SFRP4: variants seen among roughly 807,000 people sequenced by gnomAD.
The protein encoded by SFRP4 is secreted frizzled related protein 4.
In SFRP4, 25 loss-of-function variants were observed where a neutral mutation model predicts 36.3. The ratio of observed to expected loss-of-function variants is 0.69; its 90% CI spans 0.50 to 0.96. SFRP4 has a LOEUF of 0.96. Ranked by LOEUF, SFRP4 falls within the 40% of genes least tolerant of loss-of-function variation. SFRP4 has a pLI of 0.00. For missense variants in SFRP4, 487 were observed against 459.6 expected (o/e 1.06, Z -0.54); for synonymous variants, 182 against 168.8 (o/e 1.08, Z -0.60).
Position 37,908,460 on chromosome 7 carries a change from T to C in SFRP4, c.856-796A>G, listed in dbSNP as rs559608654. ...AGGAATGCAAAGAAAAGAAAAACATTGTCCCCACTGTGCTATGACACACTT... is the reference window on the plus strand; with the variant it reads ...AGGAATGCAAAGAAAAGAAAAACATCGTCCCCACTGTGCTATGACACACTT... On this transcript the variant is annotated intron_variant, in intron 5 of 5. Coordinates refer to ENST00000436072, the MANE Select transcript of SFRP4 (RefSeq NM_003014.4). Among the ~76,000 whole-genome samples, 68 of 152,294 alleles carry C rather than the reference T, an allele frequency of 4.5e-4. No homozygotes were observed. The South Asian group carries it at 6.6e-3, about 15-fold the overall frequency.
chr7:37,914,481 G>A (rs537361345), intron 1 of SFRP4, 28 bp from the exon 2 acceptor site: 132 of 1,570,124 alleles, frequency 8.4e-5, no homozygotes, highest in Non-Finnish European at 9.8e-5. Flanking sequence ...CCACATGGGC[G>A]TGGTTGGTGA....
intron 4 of SFRP4, 51 bp from the exon 5 acceptor site, chr7:37,909,731 C>A: frequency 1.9e-6 from 2 of 1,027,800 alleles, no homozygotes; most frequent in South Asian, 1.5e-5. Context: ...AAGTAAACAG[C>A]TAAAAATACA....
At position 37,909,757 on chromosome 7, in the gene SFRP4, T is replaced by A. The variant is rs903450219; in HGVS notation, c.792-77A>T. The A allele has an allele frequency of 9.8e-6, 8 of 817,542 alleles. No homozygotes were observed. In the African/African-American group the frequency reaches 1.2e-4, roughly 12 times the overall value. 50.6% of individuals were successfully genotyped at this position (817,542 alleles called of 1,614,324 possible). ...TAAAAATACAGAAATTGTAAAAAAA[T>A]TATTCAATAATCCTTTACCCCATAA... On this transcript the variant is annotated intron_variant, in intron 4 of 5. Coordinates refer to ENST00000436072, the MANE Select transcript of SFRP4 (RefSeq NM_003014.4).
intron 5 of SFRP4, among the ~76,000 whole-genome samples, chr7:37,909,051 A>G (rs1328602619): frequency 1.3e-5 from 2 of 152,200 alleles, no homozygotes; most frequent in African/African-American, 2.4e-5. Context: ...GATTGGTATA[A>G]TTTCACATCT....
chr7:37,916,183 A>T lies in SFRP4; in HGVS notation c.355T>A (p.Trp119Arg). 1 of 1,614,166 alleles carries T rather than the reference A, an allele frequency of 6.2e-7. No individual in the cohort carries two copies. The change falls in exon 1 of 6, where the codon TGG (tryptophan) becomes AGG (arginine). Residue 119 changes from tryptophan (W) to arginine (R), a missense_variant. Trp to Arg is a moderately radical substitution (Grantham distance 101, BLOSUM62 -3). Transcript: ENST00000436072. This position sits in a 1 kb window ranked among gnomAD's most constrained non-coding sequence, Gnocchi z 4.1. ...TCGTCGCAGGCCAGGCTTTCGGGCCAGCTGTGGTTGTACATCTTCATGAGG... is the reference window on the plus strand; with the variant it reads ...TCGTCGCAGGCCAGGCTTTCGGGCCTGCTGTGGTTGTACATCTTCATGAGG... ...EPLMKMYNHS[W>R]PESLACDELP...
chr7:37,916,743 G>T lies in SFRP4; in HGVS notation c.-206C>A. On this transcript the variant is annotated 5_prime_UTR_variant, in exon 1 of 6. Coordinates refer to ENST00000436072, the MANE Select transcript of SFRP4 (RefSeq NM_003014.4). The surrounding 1 kb of genome is among the most constrained non-coding windows in gnomAD (Gnocchi z 4.1). Reference sequence around the variant, plus strand: ...GTCTGGCACACAGGGCACGAGCAGCGCCAGCTCTCAGCCTTCGGGGCGCGA... The same window carrying T: ...GTCTGGCACACAGGGCACGAGCAGCTCCAGCTCTCAGCCTTCGGGGCGCGA... 2 of 752,318 alleles carry T rather than the reference G, an allele frequency of 2.7e-6. No homozygotes were observed. Among genetic ancestry groups the T allele is most frequent in the East Asian group, 2.7e-5 (1 of 36,716 alleles). The allele number at this position is 752,318 out of a possible 1,614,324, so 46.6% of individuals were successfully genotyped here.
In SFRP4 at chr7:37,907,363, G is replaced by A; in HGVS notation, c.*116C>T. The A allele has an allele frequency of 3.8e-6, 3 of 779,290 alleles. No homozygotes were observed. Among genetic ancestry groups the A allele is most frequent in the Non-Finnish European group, 2.1e-6 (1 of 475,410 alleles). The allele number at this position is 779,290 out of a possible 1,614,324, so 48.3% of individuals were successfully genotyped here. ...ATGCTGCAAGATGTGTCTATGAAGA[G>A]CACTGCAGTGAGTTGTTAGGGCAAG... On this transcript the variant is annotated 3_prime_UTR_variant, in exon 6 of 6. Transcript: ENST00000436072.
intron 3 of SFRP4, 29 bp downstream of exon 3, chr7:37,914,184 A>G (rs779592388): frequency 8.2e-6 from 13 of 1,580,612 alleles, no homozygotes; most frequent in African/African-American, 2.7e-5. Context: ...CCAAGTCTCA[A>G]AAGTAAATGG....
chr7:37,907,055 A>C lies in SFRP4; in HGVS notation c.*424T>G, dbSNP rs1255638099. On this transcript the variant is annotated 3_prime_UTR_variant, in exon 6 of 6. Coordinates refer to ENST00000436072, the MANE Select transcript of SFRP4 (RefSeq NM_003014.4). ...ATTTTCGATCACATTTTAAAACATC[A>C]CTAACATTGCAACAACAGATATCAA... 6.5e-6 allele frequency: 1 copy of C among 153,480 alleles called. No individual in the cohort carries two copies. The highest frequency in any genetic ancestry group is 1.4e-5 in the Non-Finnish European group (1 of 68,996). The allele number at this position is 153,480 out of a possible 1,614,324, so 9.5% of individuals were successfully genotyped here. A position where few individuals can be genotyped will look rare whatever the true frequency, so the allele number is the denominator to read the frequency against.
rs765479021 is a variant in SFRP4 at position 37,916,493 on chromosome 7, C to T, written c.45G>A (p.Leu15=). 1.2e-6 allele frequency: 2 copies of T among 1,612,166 alleles called. No individual in the cohort carries two copies. Among genetic ancestry groups the T allele is most frequent in the African/African-American group, 1.3e-5 (1 of 74,920 alleles). ...AGGGCGCGCCGCGCACGCCCAGCGC[C>T]AGGTGCAGCCACAGGCACAGCGCCA... The part of the protein sequence containing the change: ...ILVALCLWLH[L]ALGVRGAPCE... The change falls in exon 1 of 6, where the codon CTG becomes CTA. Residue 15 remains leucine (L), a synonymous_variant. Transcript: ENST00000436072. The surrounding 1 kb of genome is among the most constrained non-coding windows in gnomAD (Gnocchi z 4.1).
intron 1 of SFRP4, among the ~76,000 whole-genome samples, chr7:37,914,757 C>G (rs552384386): frequency 2.0e-5 from 3 of 152,218 alleles, no homozygotes; most frequent in Admixed American, 1.3e-4. Flanking sequence ...CCCAGCTACT[C>G]TAGAGGCTGA....
intron 5 of SFRP4, 56 bp from the exon 6 acceptor site, chr7:37,907,720 C>T (rs1785420224): frequency 7.4e-7 from 1 of 1,345,928 alleles, no homozygotes; most frequent in Non-Finnish European, 1.0e-6. Context: ...TTATGGTGCT[C>T]AGCTAATGTG....
At position 37,912,310 on chromosome 7, in the gene SFRP4, A is replaced by G. The variant is rs374781203; in HGVS notation, c.600T>C (p.His200=). Residue 200 remains histidine (H), a synonymous_variant, in exon 4 of 6, where the codon CAT becomes CAC. Coordinates refer to ENST00000436072, the MANE Select transcript of SFRP4 (RefSeq NM_003014.4). ...YLSKNYSYVI[H]AKIKAVQRSG... is the part of the protein sequence containing the mutation. ...TCCTCTGCACAGCTTTTATTTTGGC[A>G]TGAATAACTGCAATTTAAAAATAGA... 2 of 1,613,428 alleles carry G rather than the reference A, an allele frequency of 1.2e-6. No homozygotes were observed. Among genetic ancestry groups the G allele is most frequent in the Non-Finnish European group, 8.5e-7 (1 of 1,179,374 alleles).
In SFRP4 at chr7:37,907,518, A is replaced by T; in HGVS notation, c.1002T>A (p.Thr334=). 1 of 1,613,878 alleles carries T rather than the reference A, an allele frequency of 6.2e-7. No individual in the cohort carries two copies. Among genetic ancestry groups the T allele is most frequent in the Non-Finnish European group, 8.5e-7 (1 of 1,179,874 alleles). ...GGTTTGTTCTCTTCTGGGCACTCCT[A>T]GTTTTAATGTTCTTCTTGGGACTGG... ...KPASPKKNIK[T]RSAQKRTNPK... Residue 334 remains threonine (T), a synonymous_variant, in exon 6 of 6, where the codon ACT becomes ACA. Transcript: ENST00000436072.
intron 1 of SFRP4, among the ~76,000 whole-genome samples, chr7:37,915,526 A>G (rs976601577): frequency 2.0e-5 from 3 of 152,254 alleles, no homozygotes; most frequent in Non-Finnish European, 4.4e-5. Flanking sequence ...AAGTGGAAGC[A>G]GAGATGGGGT....
At chr7:37,909,122 C>T (rs1785441427) in intron 5 of SFRP4, among the ~76,000 whole-genome samples, 1 of 152,068 alleles carries the variant, frequency 6.6e-6, no homozygotes, top group Non-Finnish European at 1.5e-5. Context: ...GATGTTACCA[C>T]AAAAATCATA....
At chr7:37,914,512 G>T (rs2131989532) in intron 1 of SFRP4, 59 bp from the exon 2 acceptor site, 18 of 1,152,006 alleles carry the variant, frequency 1.6e-5, no homozygotes, top group Middle Eastern at 1.9e-4. Flanking sequence ...TCACCCAGCT[G>T]GTATAAAGAG....
In SFRP4 at chr7:37,907,699, A is replaced by ATC. The variant is rs757108214; in HGVS notation, c.856-37_856-36dup. 6 of 1,520,180 alleles carry ATC rather than the reference A, an allele frequency of 3.9e-6. No homozygotes were observed. The South Asian group carries it at 7.1e-5, about 18-fold the overall frequency. The allele number at this position is 1,520,180 out of a possible 1,614,324, so 94.2% of individuals were successfully genotyped here. A position where few individuals can be genotyped will look rare whatever the true frequency, so the allele number is the denominator to read the frequency against. On this transcript the variant is annotated intron_variant, in intron 5 of 5. Transcript: ENST00000436072. ...AATTTGTAAACATGACTGTCAAATT[A>ATC]TCTCACCCCTTTATGGTGCTCAGCT...
intron 4 of SFRP4, among the ~76,000 whole-genome samples, chr7:37,910,910 C>G (rs1785476504): frequency 6.6e-6 from 1 of 152,212 alleles, no homozygotes; most frequent in Non-Finnish European, 1.5e-5. Context: ...GTTTGCGGGT[C>G]TCATAAGGCA....
Sources: gnomAD v4.1 joint callset for allele counts (sites outside exome capture counted in the v4.1 genomes callset) on GRCh38, gnomAD v4.1.1 for gene constraint, Gnocchi (gnomAD v3.1) non-coding constraint, MANE v1.5 for transcripts, NCBI Gene and HGNC (gene_info 2026-07-23, HGNC 2026-07-21) for gene names.